Variants in LRRIQ1 observed in about 807,000 individuals in gnomAD.
LRRIQ1 encodes the protein leucine rich repeats and IQ motif containing 1, also known as leucine-rich repeat- and IQ domain-containing protein 1.
LRRIQ1 carries 210 observed loss-of-function variants against 211.9 expected under a neutral mutation model. The ratio of observed to expected loss-of-function variants is 0.99; its 90% confidence interval spans 0.89 to 1.11. The LOEUF is 1.11. Among genes scored for constraint, LRRIQ1 ranks in the 50% most tolerant of loss-of-function variants. The pLI is 0.00. For synonymous variants in LRRIQ1, 699 were observed against 650.1 expected (o/e 1.08, Z -1.14); for missense variants, 2,136 against 1,939.5 (o/e 1.10, Z -1.90).
intron 1 of LRRIQ1, among the ~76,000 whole-genome samples, chr12:85,261,270 A>G (rs957815818): frequency 1.3e-5 from 2 of 152,178 alleles, no homozygotes; most frequent in African/African-American, 4.8e-5. Context: ...GTGGAATAAA[A>G]GTAAAATATA....
chr12:85,255,804 C>G (rs894785951), intron 1 of LRRIQ1, among the ~76,000 whole-genome samples: 1 of 151,294 alleles, frequency 6.6e-6, no homozygotes, highest in Non-Finnish European at 1.5e-5. Flanking sequence ...TTCCTGAACC[C>G]GGACAATTAA....
intron 11 of LRRIQ1, among the ~76,000 whole-genome samples, chr12:85,083,446 T>A (rs2136181658): frequency 6.6e-6 from 1 of 151,744 alleles, no homozygotes; most frequent in Admixed American, 6.6e-5. Flanking sequence ...AAGTAACTTT[T>A]TTTTTTTTTT....
At chr12:85,268,071 C>CTA (rs1565935821), downstream of LRRIQ1, among the ~76,000 whole-genome samples, 49 of 151,794 alleles carry the variant, frequency 3.2e-4, no homozygotes, top group Non-Finnish European at 5.9e-4. Flanking sequence ...CAAAAATACT[C>CTA]TAAGCAGATT....
chr12:85,133,999 A>C (rs978684516), intron 18 of LRRIQ1, among the ~76,000 whole-genome samples: 1 of 151,946 alleles, frequency 6.6e-6, no homozygotes, highest in African/African-American at 2.4e-5. Context: ...GCATCTTCCA[A>C]CTCCTGCTCA....
At chr12:85,207,984 C>A (rs1165056734) in intron 24 of LRRIQ1, among the ~76,000 whole-genome samples, 2 of 150,464 alleles carry the variant, frequency 1.3e-5, no homozygotes, top group African/African-American at 4.9e-5. Context: ...AATATAGGTT[C>A]CTTTTTAGAG....
chr12:85,224,081 A>T (rs1353611442), intron 24 of LRRIQ1, among the ~76,000 whole-genome samples: 1 of 152,110 alleles, frequency 6.6e-6, no homozygotes, highest in Non-Finnish European at 1.5e-5. Flanking sequence ...ATACTATTAG[A>T]TATTTTATTC....
intron 24 of LRRIQ1, among the ~76,000 whole-genome samples, chr12:85,193,050 TATA>T (rs1892678893): frequency 9.0e-6 from 1 of 110,868 alleles, no homozygotes; most frequent in Non-Finnish European, 1.7e-5. Context: ...TTATAATAAA[TATA>T]ATATAAATAT....
intron 6 of LRRIQ1, among the ~76,000 whole-genome samples, chr12:85,049,063 G>A (rs1879988303): frequency 6.6e-6 from 1 of 152,130 alleles, no homozygotes. Context: ...TTAAGGAAAT[G>A]CAATAATATT....
downstream of LRRIQ1, among the ~76,000 whole-genome samples, chr12:85,264,966 C>T (rs1480046748): frequency 1.3e-5 from 2 of 151,992 alleles, no homozygotes; most frequent in Admixed American, 6.6e-5. Flanking sequence ...TAGCTAATCA[C>T]AAAAAGCTTG....
chr12:85,056,262 A>T lies in LRRIQ1; in HGVS notation c.1469A>T (p.Lys490Ile). 1 of 1,574,588 alleles carries T rather than the reference A, an allele frequency of 6.4e-7. No homozygotes were observed. Among genetic ancestry groups the T allele is most frequent in the African/African-American group, 1.4e-5 (1 of 72,442 alleles). The stretch of plus-strand genomic sequence containing the variant: ...GAAAAAAATGAAAACCTAGCAAAAA[A>T]ACGATGTTCAGAAGAATTGGTCAAG... ...MEEKNENLAK[K>I]RCSEELVKQE... Residue 490 changes from lysine (K) to isoleucine (I), a missense_variant, in exon 8 of 27, where the codon AAA becomes ATA. By Grantham distance (102) the Lys-to-Ile change is moderately radical (BLOSUM62 -3). Coordinates refer to ENST00000393217, the MANE Select transcript of LRRIQ1 (RefSeq NM_001079910.2).
chr12:85,173,397 A>G (rs1300011740), intron 24 of LRRIQ1, among the ~76,000 whole-genome samples: 2 of 152,174 alleles, frequency 1.3e-5, no homozygotes, highest in Non-Finnish European at 2.9e-5. Flanking sequence ...TGCTCCCATA[A>G]CAAAATACCA....
intron 19 of LRRIQ1, among the ~76,000 whole-genome samples, chr12:85,142,951 T>A (rs1889645452): frequency 6.6e-6 from 1 of 151,634 alleles, no homozygotes; most frequent in Non-Finnish European, 1.5e-5. Context: ...CATACTGATT[T>A]TATTGCCTTT....
At chr12:85,187,679 C>T (rs568972162) in intron 24 of LRRIQ1, among the ~76,000 whole-genome samples, 1 of 151,692 alleles carries the variant, frequency 6.6e-6, no homozygotes, top group Admixed American at 6.6e-5. Flanking sequence ...CGTGGTGGCT[C>T]ATGCCTGTAA....
At chr12:85,103,669 A>T (rs913235172) in intron 13 of LRRIQ1, among the ~76,000 whole-genome samples, 1 of 151,778 alleles carries the variant, frequency 6.6e-6, no homozygotes, top group Non-Finnish European at 1.5e-5. Flanking sequence ...CAAAATAATC[A>T]GAAGAAAACA....
chr12:85,262,685 T>G (rs1457557271), intron 1 of LRRIQ1, among the ~76,000 whole-genome samples: 1 of 152,142 alleles, frequency 6.6e-6, no homozygotes, highest in African/African-American at 2.4e-5. Flanking sequence ...TATATCTATT[T>G]AATATTTTTA....
chr12:85,104,653 A>AG (rs1379237156), intron 14 of LRRIQ1, among the ~76,000 whole-genome samples: 1 of 151,940 alleles, frequency 6.6e-6, no homozygotes, highest in African/African-American at 2.4e-5. Context: ...CTGAAGTGTA[A>AG]GGGATATATG....
chr12:85,232,916 C>G, intron 26 of LRRIQ1, 160 bp downstream of exon 26: 1 of 553,968 alleles, frequency 1.8e-6, no homozygotes, highest in Non-Finnish European at 3.1e-6. Context: ...AACATGTTTT[C>G]TTGACTTGTA....
intron 11 of LRRIQ1, among the ~76,000 whole-genome samples, chr12:85,097,749 A>T (rs1383648441): frequency 6.6e-6 from 1 of 152,122 alleles, no homozygotes; most frequent in Non-Finnish European, 1.5e-5. Flanking sequence ...CTAACTCCTG[A>T]TGGCTGATTT....
intron 18 of LRRIQ1, among the ~76,000 whole-genome samples, chr12:85,132,233 A>T (rs77393088): frequency 0.021 from 3,122 of 152,010 alleles, 142 homozygotes; most frequent in East Asian, 0.2. Flanking sequence ...CATTATGTTG[A>T]TATTTTAAAA....
Sources: gnomAD v4.1 joint callset for allele counts (sites outside exome capture counted in the v4.1 genomes callset) on GRCh38, gnomAD v4.1.1 for gene constraint, MANE v1.5 for transcripts, NCBI Gene and HGNC (gene_info 2026-07-23, HGNC 2026-07-21) for gene names.